The following SEMA4D variants were observed in gnomAD, a reference collection of about 807,000 sequenced individuals.
SEMA4D encodes the protein semaphorin 4D.
SEMA4D carries 22 observed loss-of-function variants against 74.8 expected under a neutral mutation model. The observed-to-expected ratio is 0.29, with a 90% CI of 0.21 to 0.42. The LOEUF (loss-of-function observed/expected upper bound fraction) is 0.42, where lower values mean the gene tolerates loss of function less well. SEMA4D is among the 10% of genes least tolerant of loss of function. SEMA4D has a pLI of 1.00. For synonymous variants in SEMA4D, 445 were observed against 463.7 expected (o/e 0.96, Z 0.52); for missense variants, 937 against 1,118.4 (o/e 0.84, Z 2.31).
intron 2 of SEMA4D, among the ~76,000 whole-genome samples, chr9:89,439,980 C>T (rs1260825366): frequency 1.3e-5 from 2 of 152,252 alleles, no homozygotes; most frequent in Non-Finnish European, 2.9e-5. Context: ...ATCACCCTCA[C>T]CACAGCCCAA....
intron 2 of SEMA4D, chr9:89,449,923 C>T: frequency 6.9e-7 from 1 of 1,453,024 alleles, no homozygotes; most frequent in Admixed American, 1.7e-5. Context: ...ACTAATGTAG[C>T]TCGTACTTTT....
chr9:89,406,559 G>A (rs776431519), intron 2 of SEMA4D, among the ~76,000 whole-genome samples: 37 of 152,108 alleles, frequency 2.4e-4, no homozygotes, highest in Non-Finnish European at 4.9e-4. Context: ...AGCGTAACCC[G>A]CCACAGGACT....
chr9:89,470,966 G>A (rs968202149), intron 1 of SEMA4D, among the ~76,000 whole-genome samples: 5 of 152,290 alleles, frequency 3.3e-5, no homozygotes, highest in Admixed American at 2.0e-4. Context: ...AACTGTGGTC[G>A]TGGTTACACC....
chr9:89,481,980 C>T, intron 1 of SEMA4D, among the ~76,000 whole-genome samples: 1 of 152,220 alleles, frequency 6.6e-6, no homozygotes, highest in East Asian at 1.9e-4. Context: ...GAGGGTTTCG[C>T]TGCTGCTGCT....
At chr9:89,478,213 C>CTT (rs1171472360) in intron 1 of SEMA4D, among the ~76,000 whole-genome samples, 1 of 152,200 alleles carries the variant, frequency 6.6e-6, no homozygotes, top group Non-Finnish European at 1.5e-5. Context: ...CAAAAAGGGT[C>CTT]TTTCTAGATG....
At chr9:89,486,354 C>T (rs1034532954) in intron 1 of SEMA4D, among the ~76,000 whole-genome samples, 9 of 152,208 alleles carry the variant, frequency 5.9e-5, no homozygotes, top group South Asian at 2.1e-4. Flanking sequence ...GGGCACAAGA[C>T]GGAATTTTTG....
intron 2 of SEMA4D, among the ~76,000 whole-genome samples, chr9:89,408,000 A>AG (rs1843677410): frequency 6.6e-6 from 1 of 152,264 alleles, no homozygotes; most frequent in Non-Finnish European, 1.5e-5. Flanking sequence ...AATGGTTTCT[A>AG]CATAGGCTCC....
chr9:89,384,764 C>T (rs775118897), intron 13 of SEMA4D: 43 of 985,268 alleles, frequency 4.4e-5, no homozygotes, highest in Non-Finnish European at 5.2e-5. Flanking sequence ...TGGTACTGGC[C>T]GTTTCTCCAT....
intron 17 of SEMA4D, chr9:89,363,603 T>C (rs1056070911): frequency 1.2e-5 from 19 of 1,599,904 alleles, no homozygotes; most frequent in Non-Finnish European, 1.6e-5. Flanking sequence ...TGGCCACCTT[T>C]CTCAATGGAA....
At chr9:89,447,863 T>C (rs1308864939) in intron 2 of SEMA4D, among the ~76,000 whole-genome samples, 1 of 152,220 alleles carries the variant, frequency 6.6e-6, no homozygotes, top group Non-Finnish European at 1.5e-5. Context: ...TTGTTCCCCA[T>C]GCATACGGTG....
downstream of SEMA4D, among the ~76,000 whole-genome samples, chr9:89,374,164 G>A (rs140982016): frequency 3.9e-4 from 60 of 152,328 alleles, no homozygotes; most frequent in African/African-American, 1.2e-3. Flanking sequence ...ACGTGAAAAG[G>A]GGGTGGCGGA....
rs1479484806 is a variant in SEMA4D, at chr9:89,405,494, C to T, written c.-38G>A. 8 of 1,608,926 alleles carry T rather than the reference C, an allele frequency of 5.0e-6. No individual in the cohort carries two copies. Among genetic ancestry groups the T allele is most frequent in the South Asian group, 3.3e-5 (3 of 90,972 alleles). ...ACCCCAGGGGCTTCAGCAGCAAAGG[C>T]TCACGGCAGCAGGTGGCCGGGCAGG... is the stretch of plus-strand genomic sequence containing the variant. On this transcript the variant is annotated 5_prime_UTR_variant, in exon 3 of 16. Coordinates refer to ENST00000422704, the MANE Select transcript of SEMA4D (RefSeq NM_001371194.2).
chr9:89,400,819 T>A (rs1438965848), intron 4 of SEMA4D, among the ~76,000 whole-genome samples: 1 of 152,136 alleles, frequency 6.6e-6, no homozygotes, highest in Non-Finnish European at 1.5e-5. Context: ...CCCAAGCCTC[T>A]CCCCAACCCC....
At chr9:89,423,574 T>C (rs1185622976) in intron 2 of SEMA4D, among the ~76,000 whole-genome samples, 1 of 152,150 alleles carries the variant, frequency 6.6e-6, no homozygotes, top group African/African-American at 2.4e-5. Context: ...GGAGGAAGCA[T>C]ATTGTGATAG....
intron 2 of SEMA4D, among the ~76,000 whole-genome samples, chr9:89,429,867 G>A (rs1250920533): frequency 6.6e-6 from 1 of 152,158 alleles, no homozygotes; most frequent in African/African-American, 2.4e-5. Context: ...GGATGGAGTG[G>A]CCAGTTACGT....
intron 16 of SEMA4D, among the ~76,000 whole-genome samples, chr9:89,370,551 TGTG>T (rs1834420509): frequency 2.8e-5 from 4 of 142,702 alleles, no homozygotes; most frequent in Non-Finnish European, 6.1e-5. Flanking sequence ...TGTGAGGGGG[TGTG>T]GTGCTGGTGT....
intron 16 of SEMA4D, chr9:89,364,062 T>G: frequency 3.1e-6 from 5 of 1,593,778 alleles, no homozygotes; most frequent in Non-Finnish European, 4.3e-6. Flanking sequence ...CTGAAGTGAC[T>G]TGGGACAACT....
chr9:89,437,341 G>T (rs759681598), intron 2 of SEMA4D, among the ~76,000 whole-genome samples: 3 of 152,164 alleles, frequency 2.0e-5, no homozygotes, highest in Non-Finnish European at 2.9e-5. Context: ...GTAAGGAAGC[G>T]CGATGCAGTG....
At chr9:89,387,267 G>C in intron 12 of SEMA4D, 119 bp downstream of exon 12, 1 of 821,706 alleles carries the variant, frequency 1.2e-6, no homozygotes, top group Admixed American at 2.9e-5. Context: ...AAACCTCCCA[G>C]GTCACCTCGA....
Sources: allele counts gnomAD v4.1 joint callset (sites outside exome capture counted in the v4.1 genomes callset), GRCh38; gene constraint gnomAD v4.1.1; transcripts MANE v1.5; gene names NCBI Gene and HGNC (gene_info 2026-07-23, HGNC 2026-07-21).